CADPS2: variants seen among roughly 807,000 people sequenced by gnomAD.
CADPS2 encodes the protein calcium-dependent secretion activator 2.
A neutral mutation model predicts 172.5 loss-of-function variants in CADPS2; 93 were observed. That is an observed-to-expected ratio of 0.54 (90% CI 0.46 to 0.64). The LOEUF is 0.64. Ranked by LOEUF, CADPS2 falls within the 30% of genes least tolerant of loss-of-function variation. The probability of loss-of-function intolerance (pLI) is 0.00; values close to 1 mark genes in which losing one functional copy is unlikely to be tolerated. For missense variants in CADPS2, 1,420 were observed against 1,565.9 expected (o/e 0.91, Z 1.57); for synonymous variants, 546 against 555.2 (o/e 0.98, Z 0.23).
chr7:122,470,421 A>T (rs1459956946), intron 14 of CADPS2, among the ~76,000 whole-genome samples: 4 of 152,152 alleles, frequency 2.6e-5, no homozygotes, highest in Non-Finnish European at 5.9e-5. Flanking sequence ...GAAGTCATTC[A>T]TTCATTCATC....
intron 1 of CADPS2, among the ~76,000 whole-genome samples, chr7:122,822,000 T>A (rs570920989): frequency 4.9e-4 from 74 of 152,200 alleles, no homozygotes; most frequent in African/African-American, 1.4e-3. Flanking sequence ...TACTATCTTC[T>A]GTCTAGTCAT....
chr7:122,380,466 A>AT (rs200981819), intron 24 of CADPS2, among the ~76,000 whole-genome samples: 2,440 of 145,874 alleles, frequency 0.017, 30 homozygotes, highest in Non-Finnish European at 0.025. Context: ...TTTGAAAGCT[A>AT]TTTTTTTTTT....
At chr7:122,648,715 C>T (rs2078822194) in intron 3 of CADPS2, among the ~76,000 whole-genome samples, 1 of 152,106 alleles carries the variant, frequency 6.6e-6, no homozygotes, top group Non-Finnish European at 1.5e-5. Context: ...AGTGTTTTGA[C>T]CCAGGCCATA....
At chr7:122,714,072 AT>A (rs1400482469) in intron 2 of CADPS2, among the ~76,000 whole-genome samples, 2 of 152,110 alleles carry the variant, frequency 1.3e-5, no homozygotes, top group Non-Finnish European at 2.9e-5. Context: ...TTAGTTTGAG[AT>A]TTAGGGAAAA....
intron 1 of CADPS2, among the ~76,000 whole-genome samples, chr7:122,853,678 G>A (rs2141150144): frequency 6.6e-6 from 1 of 152,300 alleles, no homozygotes; most frequent in East Asian, 1.9e-4. Flanking sequence ...GTACATGTAT[G>A]TAACTGTTTA....
intron 2 of CADPS2, among the ~76,000 whole-genome samples, chr7:122,707,583 T>C (rs780633067): frequency 1.3e-5 from 2 of 151,930 alleles, no homozygotes; most frequent in Non-Finnish European, 2.9e-5. Context: ...GAGAGCTCTC[T>C]AGGAATTCAA....
chr7:122,412,053 G>A (rs1377257241), intron 19 of CADPS2, among the ~76,000 whole-genome samples: 1 of 152,182 alleles, frequency 6.6e-6, no homozygotes, highest in African/African-American at 2.4e-5. Context: ...CATGCAATTG[G>A]TTTTGACAGT....
At chr7:122,708,419 A>G (rs2087959297) in intron 2 of CADPS2, among the ~76,000 whole-genome samples, 1 of 147,164 alleles carries the variant, frequency 6.8e-6, no homozygotes, top group Non-Finnish European at 1.5e-5. Context: ...CTGATTCTAT[A>G]TATGTACACA....
intron 1 of CADPS2, among the ~76,000 whole-genome samples, chr7:122,836,619 G>A (rs189807417): frequency 6.6e-5 from 10 of 152,192 alleles, no homozygotes; most frequent in African/African-American, 2.4e-4. Flanking sequence ...AAAGGAAGGG[G>A]TTGCAATCCT....
In CADPS2 at chr7:122,705,791, T is replaced by C. The variant is rs2087092123; in HGVS notation, c.453+31164A>G. Among the ~76,000 whole-genome samples, 2 of 20,538 alleles carry C rather than the reference T, an allele frequency of 9.7e-5. 1 individual carries two copies. Among genetic ancestry groups the C allele is most frequent in the African/African-American group, 2.5e-4 (2 of 7,908 alleles). The allele number at this position is 20,538 out of a possible 152,430, so 13.5% of individuals were successfully genotyped here. On this transcript the variant is annotated intron_variant, in intron 2 of 29. Coordinates refer to ENST00000449022, the MANE Select transcript of CADPS2 (RefSeq NM_017954.11). ...ATGATATATTATATAATATATATCA[T>C]ATATAATATAATATATATGATATAT...
intron 6 of CADPS2, among the ~76,000 whole-genome samples, chr7:122,604,466 CCTGGACTG>C (rs1312703782): frequency 6.6e-6 from 1 of 152,126 alleles, no homozygotes; most frequent in Non-Finnish European, 1.5e-5. Context: ...AGGCATATCT[CCTGGACTG>C]CTGGACAGAG....
chr7:122,683,906 T>A (rs1167671250), intron 2 of CADPS2, among the ~76,000 whole-genome samples: 1 of 152,018 alleles, frequency 6.6e-6, no homozygotes. Flanking sequence ...CTGGTGTGAG[T>A]TAGTGTGGGG....
At chr7:122,687,212 T>G (rs906044033) in intron 2 of CADPS2, among the ~76,000 whole-genome samples, 3 of 152,164 alleles carry the variant, frequency 2.0e-5, no homozygotes, top group East Asian at 3.9e-4. Context: ...AAATCAGATA[T>G]ACCCTGGCCA....
In CADPS2 at chr7:122,663,467, G is replaced by A. The variant is rs2080836542; in HGVS notation, c.556C>T (p.Arg186Trp). 12 of 1,613,738 alleles carry A rather than the reference G, an allele frequency of 7.4e-6. No homozygotes were observed. The highest frequency in any genetic ancestry group is 8.5e-6 in the Non-Finnish European group (10 of 1,179,836). ...VFKKNIEKRV[R>W]SLPEIDGLSK... ...AAGCCATCTATTTCTGGCAAACTCC[G>A]CACACGTTTTTCTATGTTTTTCTTA... The change falls in exon 3 of 30, where the codon CGG becomes TGG. Residue 186 changes from arginine to tryptophan, a missense_variant. By Grantham distance (101) the Arg-to-Trp change is moderately radical. Coordinates refer to ENST00000449022, the MANE Select transcript of CADPS2 (RefSeq NM_017954.11).
intron 1 of CADPS2, among the ~76,000 whole-genome samples, chr7:122,884,441 T>C (rs1823755259): frequency 6.6e-6 from 1 of 152,042 alleles, no homozygotes; most frequent in Non-Finnish European, 1.5e-5. Flanking sequence ...TGAGTAATGG[T>C]GGTTTTAACT....
chr7:122,675,631 C>T (rs543172084), intron 2 of CADPS2, among the ~76,000 whole-genome samples: 4 of 152,042 alleles, frequency 2.6e-5, no homozygotes, highest in African/African-American at 4.8e-5. Context: ...TGGAATACCA[C>T]GCAGCCATAA....
chr7:122,440,091 T>C (rs1350164226), intron 16 of CADPS2: 1 of 152,196 alleles, frequency 6.6e-6, no homozygotes, highest in Non-Finnish European at 1.5e-5. Flanking sequence ...TGTTTTACTT[T>C]TCAATATCAG....
intron 3 of CADPS2, among the ~76,000 whole-genome samples, chr7:122,645,246 C>CACAT (rs3034541): frequency 0.52 from 72,154 of 139,460 alleles, 19,527 homozygotes; most frequent in East Asian, 0.74. Context: ...TATATACACA[C>CACAT]ATGTACATGT....
intron 6 of CADPS2, among the ~76,000 whole-genome samples, chr7:122,582,090 C>T (rs1235226956): frequency 9.7e-5 from 14 of 144,318 alleles, no homozygotes; most frequent in African/African-American, 3.6e-4. Context: ...CTCAGCACAG[C>T]ATGAAGAAGA....
Sources: allele counts gnomAD v4.1 joint callset (sites outside exome capture counted in the v4.1 genomes callset), GRCh38; gene constraint gnomAD v4.1.1; transcripts MANE v1.5; gene names NCBI Gene and HGNC (gene_info 2026-07-23, HGNC 2026-07-21).